CLDN20: variants seen among roughly 807,000 people sequenced by gnomAD.
CLDN20 encodes claudin-20.
For missense variants in CLDN20, 258 were observed against 267.9 expected (o/e 0.96, Z 0.26); for synonymous variants, 104 against 103.6 (o/e 1.00, Z -0.03).
At chr6:155,272,283 C>T (rs1784955326) in intron 1 of CLDN20, among the ~76,000 whole-genome samples, 1 of 152,152 alleles carries the variant, frequency 6.6e-6, no homozygotes, top group African/African-American at 2.4e-5. Flanking sequence ...AGCAGTAAAT[C>T]TGCTTTTAAA....
chr6:155,270,844 T>C (rs545949989), intron 1 of CLDN20, among the ~76,000 whole-genome samples: 58 of 152,354 alleles, frequency 3.8e-4, no homozygotes, highest in African/African-American at 1.3e-3. Flanking sequence ...CTGCGACTAT[T>C]AGTGTCTGCA....
intron 1 of CLDN20, among the ~76,000 whole-genome samples, chr6:155,268,178 C>T (rs2114689237): frequency 6.6e-6 from 1 of 152,336 alleles, no homozygotes; most frequent in Non-Finnish European, 1.5e-5. Context: ...CCCATTACCA[C>T]AGCCTCCCAG....
rs776946724 is a variant in CLDN20, at chr6:155,276,191, C to T, written c.472C>T (p.His158Tyr). The stretch of plus-strand genomic sequence containing the variant: ...TCTGACAGTTCCAGAAAGCAACAAA[C>T]ATGAACCTGGAGGAGCTATCTATAT... ...LDLTVPESNK[H>Y]EPGGAIYIGF... The change falls in exon 2 of 2, where the codon CAT (histidine) becomes TAT (tyrosine). Residue 158 changes from histidine (H) to tyrosine (Y), a missense_variant. By Grantham distance (83) the His-to-Tyr change is moderately conservative. Transcript: ENST00000367165. 6 of 1,614,118 alleles carry T rather than the reference C, an allele frequency of 3.7e-6. No homozygotes were observed. The South Asian group carries it at 5.5e-5, about 15-fold the overall frequency.
chr6:155,269,640 ATTC>A (rs1037551390), intron 1 of CLDN20, among the ~76,000 whole-genome samples: 13 of 152,110 alleles, frequency 8.5e-5, no homozygotes, highest in African/African-American at 2.7e-4. Context: ...TGTCTATAAA[ATTC>A]TTCTTATCTG....
chr6:155,266,736 A>C (rs1230669278), intron 1 of CLDN20, among the ~76,000 whole-genome samples: 2 of 150,322 alleles, frequency 1.3e-5, no homozygotes, highest in Non-Finnish European at 3.0e-5. Flanking sequence ...AGTCCCCGCT[A>C]CTTGGGAGGC....
At chr6:155,266,479 C>T (rs930524954) in intron 1 of CLDN20, among the ~76,000 whole-genome samples, 1 of 152,144 alleles carries the variant, frequency 6.6e-6, no homozygotes, top group Non-Finnish European at 1.5e-5. Context: ...CAGCCTGAGT[C>T]CCTGCTGGAT....
intron 1 of CLDN20, among the ~76,000 whole-genome samples, chr6:155,271,459 G>A (rs572371356): frequency 6.6e-6 from 1 of 152,202 alleles, no homozygotes; most frequent in South Asian, 2.1e-4. Flanking sequence ...AGAAAACTCA[G>A]GGCACCACAC....
At chr6:155,274,319 T>C (rs181985959) in intron 1 of CLDN20, among the ~76,000 whole-genome samples, 4 of 152,352 alleles carry the variant, frequency 2.6e-5, no homozygotes, top group Non-Finnish European at 2.9e-5. Flanking sequence ...ATGGGCTAGA[T>C]AGGGGAACAG....
rs148057067 is a variant in CLDN20 at position 155,276,216 on chromosome 6, T to C, written c.497T>C (p.Ile166Thr). The change falls in exon 2 of 2, where the codon ATC becomes ACC. Residue 166 changes from isoleucine to threonine, a missense_variant. By Grantham distance (89) the Ile-to-Thr change is moderately conservative. Coordinates refer to ENST00000367165, the MANE Select transcript of CLDN20 (RefSeq NM_001001346.3). ...CATGAACCTGGAGGAGCTATCTATATCGGATTCATTTCTGCAATGCTGTTG... is the reference window on the plus strand; with the variant it reads ...CATGAACCTGGAGGAGCTATCTATACCGGATTCATTTCTGCAATGCTGTTG... ...NKHEPGGAIY[I>T]GFISAMLLFI... 8 of 1,614,062 alleles carry C rather than the reference T, an allele frequency of 5.0e-6. No homozygotes were observed. Among genetic ancestry groups the C allele is most frequent in the Non-Finnish European group, 6.8e-6 (8 of 1,180,050 alleles).
rs780591787 is a variant in CLDN20 at position 155,276,049 on chromosome 6, CA to C, written c.331del (p.Arg111GlufsTer23). ...GMKCTRLGGD[R>X]ETKSHASFAG... ...TGAAATGTACTCGCTTAGGAGGGGA[CA>C]GAGAAACCAAGAGCCATGCTTCCTT... On this transcript the variant is annotated frameshift_variant, in exon 2 of 2. Transcript: ENST00000367165. LOFTEE classifies it low-confidence loss of function (END_TRUNC). The C allele has an allele frequency of 1.9e-6, 3 of 1,614,110 alleles. No homozygotes were observed. Among genetic ancestry groups the C allele is most frequent in the Non-Finnish European group, 2.5e-6 (3 of 1,180,036 alleles).
At chr6:155,271,325 C>T (rs1369367386) in intron 1 of CLDN20, among the ~76,000 whole-genome samples, 1 of 152,156 alleles carries the variant, frequency 6.6e-6, no homozygotes, top group African/African-American at 2.4e-5. Context: ...TCATGGGCTA[C>T]AACCTCAGTA....
At position 155,274,691 on chromosome 6, in the gene CLDN20, T is replaced by C. The variant is rs1408755; in HGVS notation, c.-104-925T>C. ...TCAGTCAGGATTTTGCAAACAGGTA[T>C]TAACTAGAACTTAGGGATAACCATG... On this transcript the variant is annotated intron_variant, in intron 1 of 1. Transcript: ENST00000367165. Among the ~76,000 whole-genome samples, 1,371 of 152,342 alleles carry C rather than the reference T, an allele frequency of 9.0e-3. 29 individuals carry two copies. Among genetic ancestry groups the C allele is most frequent in the African/African-American group, 0.031 (1,272 of 41,568 alleles).
At chr6:155,268,540 A>G (rs1583318702) in intron 1 of CLDN20, among the ~76,000 whole-genome samples, 1 of 152,352 alleles carries the variant, frequency 6.6e-6, no homozygotes, top group East Asian at 1.9e-4. Context: ...AAAGACAATA[A>G]AAGCCTACCT....
intron 1 of CLDN20, among the ~76,000 whole-genome samples, chr6:155,266,801 C>G (rs1444159769): frequency 1.6e-5 from 2 of 124,348 alleles, no homozygotes; most frequent in South Asian, 2.7e-4. Context: ...GAGCTGAGAT[C>G]GTGCCACTGC....
At chr6:155,269,095 A>T (rs951675461) in intron 1 of CLDN20, among the ~76,000 whole-genome samples, 2 of 151,638 alleles carry the variant, frequency 1.3e-5, no homozygotes, top group African/African-American at 4.8e-5. Context: ...TGATATGTAA[A>T]GCTACAGAGA....
chr6:155,276,077 G>C lies in CLDN20; in HGVS notation c.358G>C (p.Ala120Pro), dbSNP rs563075886. ...AGAAACCAAGAGCCATGCTTCCTTTGCTGGAGGAGTCTGTTTCATGTCTGC... is the reference window on the plus strand; with the variant it reads ...AGAAACCAAGAGCCATGCTTCCTTTCCTGGAGGAGTCTGTTTCATGTCTGC... ...DRETKSHASF[A>P]GGVCFMSAGI... The change falls in exon 2 of 2, where the codon GCT becomes CCT. Residue 120 changes from alanine to proline, a missense_variant. By Grantham distance (27) the Ala-to-Pro change is conservative. Transcript: ENST00000367165. 32 of 1,614,154 alleles carry C rather than the reference G, an allele frequency of 2.0e-5. No individual in the cohort carries two copies. In the South Asian group the frequency reaches 3.3e-4, roughly 17 times the overall value.
At chr6:155,265,447 T>C (rs1784585727) in intron 1 of CLDN20, among the ~76,000 whole-genome samples, 1 of 152,118 alleles carries the variant, frequency 6.6e-6, no homozygotes, top group Non-Finnish European at 1.5e-5. Flanking sequence ...CTGAAGATGC[T>C]TGGTCAGTAC....
intron 1 of CLDN20, among the ~76,000 whole-genome samples, chr6:155,271,895 T>C (rs759799673): frequency 6.6e-6 from 1 of 152,152 alleles, no homozygotes; most frequent in Non-Finnish European, 1.5e-5. Context: ...TTTCAACAAA[T>C]CCTGTTGTAA....
rs769015156 is a variant in CLDN20 at position 155,276,192 on chromosome 6, AT to A, written c.474del (p.His158GlnfsTer22). Reference sequence around the variant, plus strand: ...CTGACAGTTCCAGAAAGCAACAAACATGAACCTGGAGGAGCTATCTATATCG... The same window carrying A: ...CTGACAGTTCCAGAAAGCAACAAACAGAACCTGGAGGAGCTATCTATATCG... ...LDLTVPESNK[H>X]EPGGAIYIGF... On this transcript the variant is annotated frameshift_variant, in exon 2 of 2. Coordinates refer to ENST00000367165, the MANE Select transcript of CLDN20 (RefSeq NM_001001346.3). LOFTEE classifies it low-confidence loss of function (END_TRUNC). 6.2e-7 allele frequency: 1 copy of A among 1,614,116 alleles called. No homozygotes were observed. The highest frequency in any genetic ancestry group is 1.1e-5 in the South Asian group (1 of 91,088).
Sources: gnomAD v4.1 joint callset for allele counts (sites outside exome capture counted in the v4.1 genomes callset) on GRCh38, gnomAD v4.1.1 for gene constraint, MANE v1.5 for transcripts, NCBI Gene and HGNC (gene_info 2026-07-23, HGNC 2026-07-21) for gene names.